The following NRG1 variants were observed in gnomAD, a reference collection of about 807,000 sequenced individuals.
NRG1 encodes the protein pro-neuregulin-1, membrane-bound isoform.
A neutral mutation model predicts 63.8 loss-of-function variants in NRG1; 18 were observed. That is an observed-to-expected ratio of 0.28 (90% CI 0.19 to 0.42). The LOEUF (loss-of-function observed/expected upper bound fraction) is 0.42, where lower values mean the gene tolerates loss of function less well. Among genes scored for constraint, NRG1 ranks in the 10% least tolerant of loss-of-function variants. The pLI, the probability that NRG1 is intolerant of heterozygous loss-of-function variation, is 1.00. For synonymous variants in NRG1, 302 were observed against 301.3 expected (o/e 1.00, Z -0.02); for missense variants, 762 against 814.7 (o/e 0.94, Z 0.79).
intron 1 of NRG1, among the ~76,000 whole-genome samples, chr8:31,725,539 T>C (rs1286170766): frequency 6.6e-6 from 1 of 152,140 alleles, no homozygotes; most frequent in African/African-American, 2.4e-5. Flanking sequence ...CACAGCATTC[T>C]GGATCTTGGC....
At chr8:32,486,809 G>C (rs1326042033) in intron 1 of NRG1, among the ~76,000 whole-genome samples, 1 of 151,914 alleles carries the variant, frequency 6.6e-6, no homozygotes, top group Non-Finnish European at 1.5e-5. Flanking sequence ...ATTTTTAGTA[G>C]AGGTGGGGTT....
intron 1 of NRG1, among the ~76,000 whole-genome samples, chr8:31,820,829 G>A (rs13251192): frequency 0.75 from 113,832 of 152,136 alleles, 43,059 homozygotes; most frequent in East Asian, 0.99. Flanking sequence ...TCCAATTCAT[G>A]CTGTCTGGAT....
intron 1 of NRG1, among the ~76,000 whole-genome samples, chr8:32,414,024 A>G (rs1815498706): frequency 6.6e-6 from 1 of 152,010 alleles, no homozygotes; most frequent in African/African-American, 2.4e-5. Context: ...AGTTATTTAT[A>G]AATCCTGAAG....
intron 1 of NRG1, among the ~76,000 whole-genome samples, chr8:31,693,035 G>T (rs1809688048): frequency 6.6e-6 from 1 of 152,068 alleles, no homozygotes; most frequent in African/African-American, 2.4e-5. Context: ...GTTTATTTTG[G>T]GTGCTGACCT....
intron 1 of NRG1, among the ~76,000 whole-genome samples, chr8:31,922,595 A>G (rs892277017): frequency 1.2e-4 from 19 of 152,166 alleles, no homozygotes; most frequent in Non-Finnish European, 2.5e-4. Context: ...TGAGCCTTTG[A>G]CCTATCTGTG....
At chr8:32,587,319 G>T (rs1841793150) in intron 1 of NRG1, among the ~76,000 whole-genome samples, 1 of 152,138 alleles carries the variant, frequency 6.6e-6, no homozygotes, top group South Asian at 2.1e-4. Context: ...AAATAAATGA[G>T]CTAGCAAGGA....
chr8:31,901,126 GA>G (rs1190238235), intron 1 of NRG1, among the ~76,000 whole-genome samples: 1 of 152,078 alleles, frequency 6.6e-6, no homozygotes, highest in African/African-American at 2.4e-5. Flanking sequence ...TAATCATGAA[GA>G]TGAACATTTA....
At chr8:31,942,284 G>A (rs1801868345) in intron 1 of NRG1, among the ~76,000 whole-genome samples, 2 of 152,048 alleles carry the variant, frequency 1.3e-5, no homozygotes, top group Admixed American at 6.6e-5. Context: ...AACAAAGTGG[G>A]GAAAGGACAC....
intron 1 of NRG1, among the ~76,000 whole-genome samples, chr8:31,687,349 G>T (rs963754070): frequency 3.9e-5 from 6 of 152,188 alleles, no homozygotes; most frequent in African/African-American, 1.4e-4. Flanking sequence ...CCAAAGAATA[G>T]TCAAGCAGCT....
rs147351215 is a variant in NRG1, at chr8:31,784,629, A to G, written c.37+145198A>G. On this transcript the variant is annotated intron_variant, in intron 1 of 10. Coordinates refer to the NRG1 transcript ENST00000519301. ...CTAATAAACACGTAGAATCTCGGAG[A>G]GTGCCAAAGAGCAGGGTTCTGGGGC... 3.5e-4 allele frequency among the ~76,000 whole-genome samples: 54 copies of G among 152,258 alleles called. 1 individual carries two copies. Among genetic ancestry groups the G allele is most frequent in the African/African-American group, 1.3e-3 (53 of 41,558 alleles).
rs3084577 is a variant in NRG1, at chr8:32,127,528, C to CGTGTGTGTGTGT, written c.38-468281_38-468270dup. 5.9e-3 allele frequency among the ~76,000 whole-genome samples: 857 copies of CGTGTGTGTGTGT among 146,366 alleles called. 6 individuals are homozygous for CGTGTGTGTGTGT. The highest frequency in any genetic ancestry group is 7.7e-3 in the South Asian group (35 of 4,544). ...TGGGTGGAATGTGTGTGTATCTGCA[C>CGTGTGTGTGTGT]GTGTGTGTGTGTGTGTGTGTGTGTG... On this transcript the variant is annotated intron_variant, in intron 1 of 10. Transcript: ENST00000519301.
At chr8:32,163,072 G>A (rs1839010679) in intron 1 of NRG1, among the ~76,000 whole-genome samples, 1 of 152,148 alleles carries the variant, frequency 6.6e-6, no homozygotes. Context: ...AAAATTAAAT[G>A]TAGAAAGATG....
chr8:31,959,673 A>G (rs935912985), intron 1 of NRG1, among the ~76,000 whole-genome samples: 2 of 152,202 alleles, frequency 1.3e-5, no homozygotes, highest in African/African-American at 4.8e-5. Context: ...ATTTTGAAAT[A>G]TTAAGCATAG....
intron 1 of NRG1, among the ~76,000 whole-genome samples, chr8:32,342,140 A>C (rs1217801523): frequency 6.6e-6 from 1 of 152,170 alleles, no homozygotes; most frequent in African/African-American, 2.4e-5. Flanking sequence ...TTTATGTGTT[A>C]GTGCATTTTT....
chr8:32,580,785 T>A (rs939369776), intron 1 of NRG1, among the ~76,000 whole-genome samples: 1 of 152,168 alleles, frequency 6.6e-6, no homozygotes, highest in African/African-American at 2.4e-5. Context: ...TAATTTTTAA[T>A]AAATAAGTGT....
chr8:32,171,786 G>T (rs556441877), intron 1 of NRG1, among the ~76,000 whole-genome samples: 1 of 152,278 alleles, frequency 6.6e-6, no homozygotes, highest in African/African-American at 2.4e-5. Flanking sequence ...CCAGGCGGCA[G>T]TGAGGCTGGG....
At chr8:32,226,342 C>T (rs191167956) in intron 1 of NRG1, among the ~76,000 whole-genome samples, 6 of 152,236 alleles carry the variant, frequency 3.9e-5, no homozygotes, top group Non-Finnish European at 1.5e-5. Context: ...GCAGCCAGCT[C>T]ATTATCCACT....
intron 1 of NRG1, among the ~76,000 whole-genome samples, chr8:32,074,526 G>A (rs538050420): frequency 1.3e-5 from 2 of 152,156 alleles, no homozygotes; most frequent in Admixed American, 6.6e-5. Flanking sequence ...ATGGAACTGT[G>A]TTCTTGAAAG....
intron 5 of NRG1, among the ~76,000 whole-genome samples, chr8:32,714,700 C>T (rs372986659): frequency 1.6e-4 from 24 of 152,350 alleles, no homozygotes; most frequent in African/African-American, 5.8e-4. Flanking sequence ...ATCAGTCTTT[C>T]AGTCACTGGG....
Sources: gnomAD v4.1 joint callset for allele counts (sites outside exome capture counted in the v4.1 genomes callset) on GRCh38, gnomAD v4.1.1 for gene constraint, MANE v1.5 for transcripts, NCBI Gene and HGNC (gene_info 2026-07-23, HGNC 2026-07-21) for gene names.